The following PDS5B variants were observed in gnomAD, a reference collection of about 807,000 sequenced individuals.
PDS5B encodes the protein sister chromatid cohesion protein PDS5 homolog B.
In PDS5B, 51 loss-of-function variants were observed where a neutral mutation model predicts 184.1. The observed-to-expected ratio is 0.28, with a 90% CI of 0.22 to 0.35. The LOEUF (loss-of-function observed/expected upper bound fraction) is 0.35. Among genes scored for constraint, PDS5B ranks in the 10% least tolerant of loss-of-function variants. The pLI is 1.00. For missense variants in PDS5B, 1,180 were observed against 1,723.3 expected (o/e 0.68, Z 5.58); for synonymous variants, 566 against 569.2 (o/e 0.99, Z 0.08).
chr13:32,732,050 G>C (rs200382006), intron 19 of PDS5B, 51 bp from the exon 20 acceptor site: 2 of 1,478,646 alleles, frequency 1.4e-6, no homozygotes, highest in Non-Finnish European at 1.9e-6. Context: ...TCTAGCAGAA[G>C]TCTTGTTGAT....
chr13:32,595,108 C>T (rs531208005), intron 1 of PDS5B, among the ~76,000 whole-genome samples: 1 of 152,132 alleles, frequency 6.6e-6, no homozygotes, highest in South Asian at 2.1e-4. Context: ...AACTGATCTA[C>T]CTTCTCTTAC....
In PDS5B at chr13:32,716,915, C is replaced by T. The variant is rs1374815340; in HGVS notation, c.2123+6809C>T. Among the ~76,000 whole-genome samples the T allele has an allele frequency of 6.9e-5, 7 of 101,276 alleles. 1 individual carries two copies. The highest frequency in any genetic ancestry group is 2.5e-4 in the African/African-American group (7 of 27,694). 66.4% of individuals were successfully genotyped at this position (101,276 alleles called of 152,430 possible). On this transcript the variant is annotated intron_variant, in intron 19 of 34. Transcript: ENST00000315596. ...GGGTGCCTTTGCCTGGCCGCCCCTA[C>T]TGGGAAGTGAGGAGCCCTTTTGCCC...
chr13:32,683,167 C>CA (rs563552595), intron 10 of PDS5B, among the ~76,000 whole-genome samples: 86 of 152,170 alleles, frequency 5.7e-4, no homozygotes, highest in South Asian at 1.2e-3. Flanking sequence ...TGTGTGCCAC[C>CA]ACACTTGGCT....
chr13:32,770,822 T>A, intron 33 of PDS5B, 61 bp downstream of exon 33: 1 of 1,214,812 alleles, frequency 8.2e-7, no homozygotes, highest in Non-Finnish European at 1.2e-6. Flanking sequence ...GTTCCTAAAT[T>A]TGTAAACATA....
intron 3 of PDS5B, among the ~76,000 whole-genome samples, chr13:32,656,388 T>G (rs1042532002): frequency 2.6e-5 from 4 of 151,538 alleles, no homozygotes; most frequent in Non-Finnish European, 5.9e-5. Flanking sequence ...CTTGGTAGTT[T>G]GATAGGAATA....
intron 2 of PDS5B, chr13:32,649,566 G>T (rs1950316883): frequency 1.3e-5 from 2 of 152,108 alleles, no homozygotes; most frequent in Admixed American, 6.6e-5. Context: ...TATGTTGCTT[G>T]ATATATTATT....
chr13:32,693,232 A>G (rs1230005283), intron 13 of PDS5B, among the ~76,000 whole-genome samples: 2 of 152,024 alleles, frequency 1.3e-5, no homozygotes, highest in Non-Finnish European at 2.9e-5. Flanking sequence ...ACAACTTAGT[A>G]ACTTTAAATT....
chr13:32,613,437 G>A (rs1050109199), intron 1 of PDS5B, among the ~76,000 whole-genome samples: 1 of 152,172 alleles, frequency 6.6e-6, no homozygotes, highest in African/African-American at 2.4e-5. Flanking sequence ...TCATTGCAGT[G>A]GGTGTAAACT....
rs148128253 is a variant in PDS5B, at chr13:32,665,752, A to G, written c.625-2012A>G. Among the ~76,000 whole-genome samples the G allele has an allele frequency of 8.9e-3, 1,355 of 152,252 alleles. 15 individuals are homozygous for G. The highest frequency in any genetic ancestry group is 0.055 in the South Asian group (267 of 4,822). The stretch of plus-strand genomic sequence containing the variant: ...CTATTTGTGGTAACCAATATATGGA[A>G]TTGAACTGTGTCTATCAATGGATGA... On this transcript the variant is annotated intron_variant, in intron 6 of 34. Coordinates refer to ENST00000315596, the MANE Select transcript of PDS5B (RefSeq NM_015032.4).
chr13:32,688,032 C>T (rs766489411), intron 12 of PDS5B, among the ~76,000 whole-genome samples: 2 of 151,892 alleles, frequency 1.3e-5, no homozygotes, highest in Middle Eastern at 3.2e-3. Flanking sequence ...TTTTGTAGGA[C>T]TTTTTTTTAG....
chr13:32,760,551 A>G lies in PDS5B; in HGVS notation c.3373-24A>G, dbSNP rs546511576. ...TTCTTTTGGCTTTAACCAAATAAAA[A>G]GAGATGTGCATTTCTCATTTCAGCC... On this transcript the variant is annotated intron_variant, in intron 29 of 34. Transcript: ENST00000315596. The G allele has an allele frequency of 3.7e-6, 6 of 1,607,630 alleles. No individual in the cohort carries two copies. The East Asian group carries it at 1.3e-4, about 36-fold the overall frequency.
At position 32,775,095 on chromosome 13, in the gene PDS5B, A is replaced by AACTTTT. The variant is rs1555322449; in HGVS notation, c.*43_*44insACTTTT. ...CTTTCTCTGTGAAAGCTTTGGAAAA[A>AACTTTT]TCTTTTTTTTTTTTTTTGGTCAAGC... is the stretch of plus-strand genomic sequence containing the variant. On this transcript the variant is annotated 3_prime_UTR_variant, in exon 35 of 35. Coordinates refer to ENST00000315596, the MANE Select transcript of PDS5B (RefSeq NM_015032.4). 47 of 547,528 alleles carry AACTTTT rather than the reference A, an allele frequency of 8.6e-5. No individual in the cohort carries two copies. Among genetic ancestry groups the AACTTTT allele is most frequent in the Non-Finnish European group, 9.0e-5 (35 of 388,656 alleles). 33.9% of individuals were successfully genotyped at this position (547,528 alleles called of 1,614,324 possible). A position where few individuals can be genotyped will look rare whatever the true frequency, so the allele number is the denominator to read the frequency against.
intron 24 of PDS5B, among the ~76,000 whole-genome samples, chr13:32,748,680 T>G (rs192708239): frequency 1.3e-5 from 2 of 152,292 alleles, no homozygotes; most frequent in African/African-American, 4.8e-5. Context: ...TTATAATATT[T>G]CCCAGATCTA....
intron 24 of PDS5B, among the ~76,000 whole-genome samples, chr13:32,748,544 C>T (rs1202411351): frequency 6.6e-6 from 1 of 151,358 alleles, no homozygotes; most frequent in Non-Finnish European, 1.5e-5. Flanking sequence ...TCTTCTTTGG[C>T]CATGTCATCA....
At chr13:32,756,067 G>C in intron 26 of PDS5B, 111 bp downstream of exon 26, 1 of 575,974 alleles carries the variant, frequency 1.7e-6, no homozygotes. Flanking sequence ...TCATTTCTTA[G>C]GTGTTTAAGG....
chr13:32,701,621 CAT>C (rs4057294), intron 17 of PDS5B, among the ~76,000 whole-genome samples, 183 bp downstream of exon 17: 105,109 of 150,398 alleles, frequency 0.7, 37,123 homozygotes, highest in African/African-American at 0.81. Context: ...CAGACACACA[CAT>C]ATATATATAT....
At chr13:32,749,212 T>C (rs1046965044) in intron 24 of PDS5B, among the ~76,000 whole-genome samples, 2 of 152,210 alleles carry the variant, frequency 1.3e-5, no homozygotes, top group African/African-American at 2.4e-5. Flanking sequence ...CCTTGTACTT[T>C]GCTGCCTTTA....
At chr13:32,758,973 C>T (rs1372829133) in intron 28 of PDS5B, among the ~76,000 whole-genome samples, 1 of 151,910 alleles carries the variant, frequency 6.6e-6, no homozygotes, top group African/African-American at 2.4e-5. Flanking sequence ...AAGTTAAAAG[C>T]CCTTTATTGG....
At chr13:32,654,429 G>A (rs764637710) in intron 3 of PDS5B, among the ~76,000 whole-genome samples, 1 of 152,142 alleles carries the variant, frequency 6.6e-6, no homozygotes, top group South Asian at 2.1e-4. Flanking sequence ...GGTCAATATG[G>A]CGTGTGTACT....
Sources: gnomAD v4.1 joint callset for allele counts (sites outside exome capture counted in the v4.1 genomes callset) on GRCh38, gnomAD v4.1.1 for gene constraint, MANE v1.5 for transcripts, NCBI Gene and HGNC (gene_info 2026-07-23, HGNC 2026-07-21) for gene names.